FASLG: variants seen among roughly 807,000 people sequenced by gnomAD.
FASLG encodes the protein tumor necrosis factor ligand superfamily member 6.
Under a neutral mutation model 24.6 loss-of-function variants are expected in FASLG, and 9 were observed. The observed-to-expected ratio is 0.37, with a 90% CI of 0.22 to 0.64. The LOEUF (loss-of-function observed/expected upper bound fraction) is 0.64, where lower values mean the gene tolerates loss of function less well. FASLG is among the 30% of genes least tolerant of loss of function. The pLI is 0.64. For missense variants in FASLG, 306 were observed against 345.3 expected (o/e 0.89, Z 0.90); for synonymous variants, 130 against 135.5 (o/e 0.96, Z 0.28).
chr1:172,663,508 G>T (rs1380342232), intron 2 of FASLG, among the ~76,000 whole-genome samples: 1 of 152,154 alleles, frequency 6.6e-6, no homozygotes, highest in African/African-American at 2.4e-5. Flanking sequence ...ACAGAAATCT[G>T]CTTGAAAGAA....
At chr1:172,662,662 G>A (rs150902515) in intron 2 of FASLG, among the ~76,000 whole-genome samples, 1 of 152,126 alleles carries the variant, frequency 6.6e-6, no homozygotes, top group Non-Finnish European at 1.5e-5. Flanking sequence ...GCATTTCAGC[G>A]CTGGGAACGG....
chr1:172,666,118 G>C lies in FASLG; in HGVS notation c.*102G>C. The C allele has an allele frequency of 1.4e-6, 2 of 1,437,584 alleles. No homozygotes were observed. Among genetic ancestry groups the C allele is most frequent in the Non-Finnish European group, 1.9e-6 (2 of 1,040,102 alleles). 89.1% of individuals were successfully genotyped at this position (1,437,584 alleles called of 1,614,324 possible). On this transcript the variant is annotated 3_prime_UTR_variant, in exon 4 of 4. Coordinates refer to ENST00000367721, the MANE Select transcript of FASLG (RefSeq NM_000639.3). Reference sequence around the variant, plus strand: ...CTTACATGCATTTGAGGTCAAGTAAGAAGACATGAACCAAGTGGACCTTGA... The same window carrying C: ...CTTACATGCATTTGAGGTCAAGTAACAAGACATGAACCAAGTGGACCTTGA...
At chr1:172,659,851 CT>C (rs1659100076) in intron 1 of FASLG, among the ~76,000 whole-genome samples, 1 of 152,080 alleles carries the variant, frequency 6.6e-6, no homozygotes, top group Non-Finnish European at 1.5e-5. Flanking sequence ...ACAAACAAAA[CT>C]TTTAAGTTTT....
At position 172,660,045 on chromosome 1, in the gene FASLG, T is replaced by C. The variant is rs750918300; in HGVS notation, c.349-50T>C. On this transcript the variant is annotated intron_variant, in intron 1 of 3. Coordinates refer to ENST00000367721, the MANE Select transcript of FASLG (RefSeq NM_000639.3). ...TATTTGACGATTCTGCCTCTTTTGCTTAAAGAATTTTATTTTTATTATACA... is the reference window on the plus strand; with the variant it reads ...TATTTGACGATTCTGCCTCTTTTGCCTAAAGAATTTTATTTTTATTATACA... 4.5e-6 allele frequency: 7 copies of C among 1,571,978 alleles called. No individual in the cohort carries two copies. The East Asian group carries it at 1.6e-4, about 35-fold the overall frequency.
chr1:172,664,147 C>T (rs576361056), intron 2 of FASLG, among the ~76,000 whole-genome samples, 187 bp from the exon 3 acceptor site: 1 of 151,822 alleles, frequency 6.6e-6, no homozygotes, highest in South Asian at 2.1e-4. Flanking sequence ...TATTTTTTTA[C>T]CTCTTTGTTT....
In FASLG at chr1:172,659,168, C is replaced by A; in HGVS notation, c.-34C>A. 2 of 1,613,890 alleles carry A rather than the reference C, an allele frequency of 1.2e-6. No individual in the cohort carries two copies. ...CTACAGGACTGAGAAGAAGTAAAAC[C>A]GTTTGCTGGGGCTGGCCTGACTCAC... is the stretch of plus-strand genomic sequence containing the variant. On this transcript the variant is annotated 5_prime_UTR_variant, in exon 1 of 4. Transcript: ENST00000367721.
chr1:172,661,323 C>G (rs906047271), intron 2 of FASLG, among the ~76,000 whole-genome samples: 1 of 152,192 alleles, frequency 6.6e-6, no homozygotes, highest in Non-Finnish European at 1.5e-5. Flanking sequence ...ATGACCCAGT[C>G]GCCTGTCTAC....
At position 172,666,082 on chromosome 1, in the gene FASLG, G is replaced by T. The variant is rs1659257626; in HGVS notation, c.*66G>T. The T allele has an allele frequency of 6.2e-5, 98 of 1,592,886 alleles. 3 individuals are homozygous for T. In the South Asian group the frequency reaches 1.1e-3, roughly 17 times the overall value. On this transcript the variant is annotated 3_prime_UTR_variant, in exon 4 of 4. Coordinates refer to ENST00000367721, the MANE Select transcript of FASLG (RefSeq NM_000639.3). ...ACAGGCACCGAGAATGTTGTATTCA[G>T]TGAGGGTCTTCTTACATGCATTTGA...
chr1:172,662,835 G>A (rs1659171944), intron 2 of FASLG, among the ~76,000 whole-genome samples: 1 of 152,208 alleles, frequency 6.6e-6, no homozygotes, highest in South Asian at 2.1e-4. Context: ...CATGCAACAT[G>A]TGGTTCTCTG....
intron 2 of FASLG, among the ~76,000 whole-genome samples, chr1:172,662,908 G>A (rs1659173669): frequency 6.6e-6 from 1 of 152,110 alleles, no homozygotes; most frequent in Non-Finnish European, 1.5e-5. Context: ...TTGCGGTGTA[G>A]GAATGCAGAG....
rs199500307 is a variant in FASLG, at chr1:172,665,992, G to T, written c.822G>T (p.Thr274=). 2.5e-6 allele frequency: 4 copies of T among 1,614,054 alleles called. No individual in the cohort carries two copies. Among genetic ancestry groups the T allele is most frequent in the Non-Finnish European group, 3.4e-6 (4 of 1,179,992 alleles). The change falls in exon 4 of 4, where the codon ACG becomes ACT. Residue 274 remains threonine, a synonymous_variant. Coordinates refer to ENST00000367721, the MANE Select transcript of FASLG (RefSeq NM_000639.3). ...TGGTCAATTTTGAGGAATCTCAGAC[G>T]TTTTTCGGCTTATATAAGCTCTAAG... The part of the protein sequence containing the change: ...LSLVNFEESQ[T]FFGLYKL
In FASLG at chr1:172,659,333, G is replaced by GCCA. The variant is rs750792722; in HGVS notation, c.144_146dup (p.Pro53dup). 6.2e-7 allele frequency: 1 copy of GCCA among 1,613,192 alleles called. No homozygotes were observed. Among genetic ancestry groups the GCCA allele is most frequent in the Non-Finnish European group, 8.5e-7 (1 of 1,179,766 alleles). On this transcript the variant is annotated inframe_insertion, in exon 1 of 4. Coordinates refer to ENST00000367721, the MANE Select transcript of FASLG (RefSeq NM_000639.3). ...TGCCCAGAAGGCCTGGTCAAAGGAGGCCACCACCACCACCGCCACCGCCAC... is the reference window on the plus strand; with the variant it reads ...TGCCCAGAAGGCCTGGTCAAAGGAGGCCACCACCACCACCACCGCCACCGCCAC...
chr1:172,662,803 G>T (rs1659171137), intron 2 of FASLG, among the ~76,000 whole-genome samples: 1 of 152,194 alleles, frequency 6.6e-6, no homozygotes, highest in Non-Finnish European at 1.5e-5. Context: ...CGTTGTACTA[G>T]GCTCTGTGAG....
At chr1:172,662,568 T>G (rs1223024224) in intron 2 of FASLG, among the ~76,000 whole-genome samples, 1 of 152,012 alleles carries the variant, frequency 6.6e-6, no homozygotes, top group Admixed American at 6.6e-5. Context: ...GAGGTGTTGT[T>G]TACGCTAACA....
At chr1:172,662,598 G>A (rs1214219453) in intron 2 of FASLG, among the ~76,000 whole-genome samples, 1 of 143,966 alleles carries the variant, frequency 6.9e-6, no homozygotes. Context: ...TCAGAAGCCC[G>A]ATGAGTGAAC....
intron 2 of FASLG, 109 bp downstream of exon 2, chr1:172,660,249 A>C: frequency 1.9e-6 from 2 of 1,064,692 alleles, no homozygotes; most frequent in Non-Finnish European, 2.9e-6. Flanking sequence ...TCTGTACACT[A>C]TAAGAGGAAT....
In FASLG at chr1:172,659,307, G is replaced by A. The variant is rs1222516253; in HGVS notation, c.106G>A (p.Val36Met). ...CACAGTTCTTCCCTGTCCAACCTCT[G>A]TGCCCAGAAGGCCTGGTCAAAGGAG... ...PGTVLPCPTSVPRRPGQRRPP... is the reference protein window; with the variant it reads ...PGTVLPCPTSMPRRPGQRRPP... The change falls in exon 1 of 4, where the codon GTG becomes ATG. Residue 36 changes from valine (V) to methionine (M), a missense_variant. Physicochemically the swap from Val to Met is conservative, Grantham distance 21. Transcript: ENST00000367721. 9 of 1,613,924 alleles carry A rather than the reference G, an allele frequency of 5.6e-6. No homozygotes were observed. The highest frequency in any genetic ancestry group is 7.6e-6 in the Non-Finnish European group (9 of 1,180,000).
Position 172,666,221 on chromosome 1 carries a change from G to A in FASLG, c.*205G>A, listed in dbSNP as rs1324605666. On this transcript the variant is annotated 3_prime_UTR_variant, in exon 4 of 4. Transcript: ENST00000367721. ...GCCAGACAAATGGAGGAATATGACGGAAGAACATAGAACTCTGGGCTGCCA... is the reference window on the plus strand; with the variant it reads ...GCCAGACAAATGGAGGAATATGACGAAAGAACATAGAACTCTGGGCTGCCA... 5 of 612,048 alleles carry A rather than the reference G, an allele frequency of 8.2e-6. No homozygotes were observed. The highest frequency in any genetic ancestry group is 7.4e-5 in the African/African-American group (4 of 54,072). The allele number at this position is 612,048 out of a possible 1,614,324, so 37.9% of individuals were successfully genotyped here.
Position 172,659,118 on chromosome 1 carries a change from G to A in FASLG, c.-84G>A, listed in dbSNP as rs1445410265. 3.1e-6 allele frequency: 5 copies of A among 1,595,504 alleles called. No homozygotes were observed. Among genetic ancestry groups the A allele is most frequent in the Middle Eastern group, 1.7e-4 (1 of 6,022 alleles). On this transcript the variant is annotated 5_prime_UTR_variant, in exon 1 of 4. Coordinates refer to ENST00000367721, the MANE Select transcript of FASLG (RefSeq NM_000639.3). Reference sequence around the variant, plus strand: ...CCTCCTCTTGAGCAGTCAGCAACAGGGTCCCGTCCTTGACACCTCAGCCTC... The same window carrying A: ...CCTCCTCTTGAGCAGTCAGCAACAGAGTCCCGTCCTTGACACCTCAGCCTC...
Sources: gnomAD v4.1 joint callset for allele counts (sites outside exome capture counted in the v4.1 genomes callset) on GRCh38, gnomAD v4.1.1 for gene constraint, MANE v1.5 for transcripts, NCBI Gene and HGNC (gene_info 2026-07-23, HGNC 2026-07-21) for gene names.